Variants in ANGPTL7 observed in about 807,000 individuals in gnomAD.
The protein encoded by ANGPTL7 is angiopoietin like 7.
ANGPTL7 carries 37 observed loss-of-function variants against 38.8 expected under a neutral mutation model. The ratio of observed to expected loss-of-function variants is 0.95; its 90% CI spans 0.73 to 1.25. ANGPTL7 has a LOEUF of 1.25. Among genes scored for constraint, ANGPTL7 ranks in the 50% most tolerant of loss-of-function variants. ANGPTL7 has a pLI of 0.00. For synonymous variants in ANGPTL7, 166 were observed against 163.2 expected, an observed-to-expected ratio of 1.02 and a Z score of -0.13; for missense variants, 427 against 438.6, an observed-to-expected ratio of 0.97 and a Z score of 0.24.
At position 11,189,971 on chromosome 1, in the gene ANGPTL7, C is replaced by T. The variant is rs1040488726; in HGVS notation, c.376+16C>T. 1 of 1,590,748 alleles carries T rather than the reference C, an allele frequency of 6.3e-7. No individual in the cohort carries two copies. The highest frequency in any genetic ancestry group is 1.3e-5 in the African/African-American group (1 of 74,606). ...ACCTCCGCAGGTAAGGAGACCAGTC[C>T]CCTGAGGGAGCGTGGAGTGCCTCCC... is the stretch of plus-strand genomic sequence containing the variant. On this transcript the variant is annotated intron_variant, in intron 1 of 4. Coordinates refer to ENST00000376819, the MANE Select transcript of ANGPTL7 (RefSeq NM_021146.4).
rs774185284 is a variant in ANGPTL7 at position 11,194,678 on chromosome 1, G to A, written c.871+19G>A. 14 of 1,613,828 alleles carry A rather than the reference G, an allele frequency of 8.7e-6. No individual in the cohort carries two copies. The highest frequency in any genetic ancestry group is 1.6e-4 in the Middle Eastern group (1 of 6,084). On this transcript the variant is annotated intron_variant, in intron 4 of 4. Transcript: ENST00000376819. ...CGCAAAGGTGAGATTTGGGGGGACC[G>A]GAAAGGAGAAGTTCAGGTACAAGCT... is the stretch of plus-strand genomic sequence containing the variant.
rs760778918 is a variant in ANGPTL7 at position 11,189,613 on chromosome 1, C to T, written c.34C>T (p.Leu12Phe). ...AAAGCCTCTCTCAGCTGTGACCTGG[C>T]TCTGCATTTTCATCGTGGCCTTTGT... is the stretch of plus-strand genomic sequence containing the variant. ...LKKPLSAVTW[L>F]CIFIVAFVSH... The change falls in exon 1 of 5, where the codon CTC becomes TTC. Residue 12 changes from leucine (L) to phenylalanine (F), a missense_variant. Transcript: ENST00000376819. The T allele has an allele frequency of 3.1e-6, 5 of 1,613,440 alleles. No homozygotes were observed. The highest frequency in any genetic ancestry group is 2.2e-5 in the South Asian group (2 of 91,002).
At position 11,189,876 on chromosome 1, in the gene ANGPTL7, G is replaced by C; in HGVS notation, c.297G>C (p.Glu99Asp). 6.2e-7 allele frequency: 1 copy of C among 1,614,198 alleles called. No individual in the cohort carries two copies. The highest frequency in any genetic ancestry group is 8.5e-7 in the Non-Finnish European group (1 of 1,180,040). The change falls in exon 1 of 5, where the codon GAG becomes GAC. Residue 99 changes from glutamate to aspartate, a missense_variant. Physicochemically the swap from Glu to Asp is conservative, Grantham distance 45. Coordinates refer to ENST00000376819, the MANE Select transcript of ANGPTL7 (RefSeq NM_021146.4). ...KRMESRLTDA[E>D]SKYSEMNNQI... ...TGGAGTCGCGGCTCACAGATGCTGA[G>C]AGCAAGTACTCCGAGATGAACAACC...
rs1351593011 is a variant in ANGPTL7 at position 11,193,580 on chromosome 1, G to A, written c.478G>A (p.Val160Met). 6.3e-7 allele frequency: 1 copy of A among 1,582,154 alleles called. No individual in the cohort carries two copies. The highest frequency in any genetic ancestry group is 8.6e-7 in the Non-Finnish European group (1 of 1,163,896). ...DDFLGSPELEVFCDMETSGGG... is the reference protein window; with the variant it reads ...DDFLGSPELEMFCDMETSGGG... ...CACCAGAGTATCCCCTCTGCTTCAG[G>A]TGTTCTGTGACATGGAGACTTCAGG... The change falls in exon 3 of 5, where the codon GTG becomes ATG. Residue 160 changes from valine (V) to methionine (M), a missense_variant and splice_region_variant. Coordinates refer to ENST00000376819, the MANE Select transcript of ANGPTL7 (RefSeq NM_021146.4).
chr1:11,192,107 C>T (rs190203724), intron 1 of ANGPTL7, among the ~76,000 whole-genome samples, 163 bp from the exon 2 acceptor site: 2 of 152,272 alleles, frequency 1.3e-5, no homozygotes, highest in Admixed American at 6.5e-5. Context: ...AAAATACACC[C>T]CCTCTGGATC....
intron 2 of ANGPTL7, among the ~76,000 whole-genome samples, chr1:11,192,893 A>C (rs1397537370): frequency 1.3e-5 from 2 of 152,180 alleles, no homozygotes; most frequent in African/African-American, 2.4e-5. Context: ...TCAAACAACA[A>C]GCCTTCTAAC....
At chr1:11,190,271 C>G (rs1049676188) in intron 1 of ANGPTL7, among the ~76,000 whole-genome samples, 2 of 152,194 alleles carry the variant, frequency 1.3e-5, no homozygotes, top group African/African-American at 4.8e-5. Context: ...AGCTCTGCTA[C>G]TTCCTCACCA....
chr1:11,190,548 G>A (rs1571116370), intron 1 of ANGPTL7, among the ~76,000 whole-genome samples: 1 of 152,124 alleles, frequency 6.6e-6, no homozygotes, highest in Admixed American at 6.5e-5. Context: ...ATTGTGATAC[G>A]TCTATTTTTT....
chr1:11,189,920 T>C lies in ANGPTL7; in HGVS notation c.341T>C (p.Leu114Pro). Reference protein sequence around the residue: ...EMNNQIDIMQLQAAQTVTQTS... With the variant: ...EMNNQIDIMQPQAAQTVTQTS... ...AACAACCAAATTGACATCATGCAGC[T>C]GCAGGCAGCACAGACGGTCACTCAG... The change falls in exon 1 of 5, where the codon CTG becomes CCG. Residue 114 changes from leucine to proline, a missense_variant. Coordinates refer to ENST00000376819, the MANE Select transcript of ANGPTL7 (RefSeq NM_021146.4). 1.2e-6 allele frequency: 2 copies of C among 1,613,628 alleles called. No homozygotes were observed. The highest frequency in any genetic ancestry group is 1.7e-6 in the Non-Finnish European group (2 of 1,179,908).
Position 11,194,899 on chromosome 1 carries a change from T to G in ANGPTL7, c.917T>G (p.Val306Gly). The G allele has an allele frequency of 6.2e-7, 1 of 1,613,998 alleles. No homozygotes were observed. The highest frequency in any genetic ancestry group is 8.5e-7 in the Non-Finnish European group (1 of 1,179,986). Residue 306 changes from valine to glycine, a missense_variant, in exon 5 of 5, where the codon GTG becomes GGG. Physicochemically the swap from Val to Gly is moderately radical, Grantham distance 109 (BLOSUM62 -3). Transcript: ENST00000376819. ...NCCTDSNLNG[V>G]YYRLGEHNKH... is the part of the protein sequence containing the mutation. ...TGCACAGACTCCAACCTCAATGGAG[T>G]GTACTACCGCCTGGGTGAGCACAAT...
Position 11,193,615 on chromosome 1 carries a change from G to A in ANGPTL7, c.513G>A (p.Trp171Ter), listed in dbSNP as rs1645644440. The A allele has an allele frequency of 1.9e-6, 3 of 1,609,866 alleles. No individual in the cohort carries two copies. The highest frequency in any genetic ancestry group is 2.5e-6 in the Non-Finnish European group (3 of 1,177,678). Residue 171 changes from tryptophan (W) to a stop codon, truncating the protein, a stop_gained, in exon 3 of 5, where the codon TGG (tryptophan) becomes TGA (stop). Coordinates refer to ENST00000376819, the MANE Select transcript of ANGPTL7 (RefSeq NM_021146.4). LOFTEE classifies it high-confidence loss of function. ...ACATGGAGACTTCAGGCGGAGGCTG[G>A]ACCATCATCCAGAGACGAAAAAGTG... ...FCDMETSGGG[W>*]TIIQRRKSGL...
At chr1:11,192,639 T>A (rs1342302604) in intron 2 of ANGPTL7, among the ~76,000 whole-genome samples, 3 of 150,044 alleles carry the variant, frequency 2.0e-5, no homozygotes, top group Non-Finnish European at 4.4e-5. Context: ...GCACCTGTAA[T>A]CCCTGCTACA....
chr1:11,190,975 A>G (rs909749981), intron 1 of ANGPTL7, among the ~76,000 whole-genome samples: 1 of 152,218 alleles, frequency 6.6e-6, no homozygotes, highest in African/African-American at 2.4e-5. Context: ...TCACTTTCTA[A>G]GCATGGACTT....
At position 11,194,612 on chromosome 1, in the gene ANGPTL7, A is replaced by C; in HGVS notation, c.824A>C (p.Asp275Ala). The change falls in exon 4 of 5, where the codon GAC becomes GCC. Residue 275 changes from aspartate to alanine, a missense_variant. Coordinates refer to ENST00000376819, the MANE Select transcript of ANGPTL7 (RefSeq NM_021146.4). ...YHNNTAFSTK[D>A]KDNDNCLDKC... ...AACAACACAGCCTTCAGCACCAAGG[A>C]CAAGGACAATGACAACTGCTTGGAC... is the stretch of plus-strand genomic sequence containing the variant. The C allele has an allele frequency of 6.2e-7, 1 of 1,614,228 alleles. No homozygotes were observed. Among genetic ancestry groups the C allele is most frequent in the Non-Finnish European group, 8.5e-7 (1 of 1,180,038 alleles).
At chr1:11,193,836 C>T in intron 3 of ANGPTL7, 62 bp downstream of exon 3, 2 of 1,511,682 alleles carry the variant, frequency 1.3e-6, no homozygotes, top group East Asian at 2.3e-5. Context: ...CCGCGTACAA[C>T]TCCGGGGGTG....
chr1:11,192,464 A>G (rs1645579245), intron 2 of ANGPTL7, 94 bp downstream of exon 2: 1 of 1,160,558 alleles, frequency 8.6e-7, no homozygotes, highest in South Asian at 1.3e-5. Context: ...GTTTAAAGAA[A>G]GGAAAATTCG....
chr1:11,189,610 T>C lies in ANGPTL7; in HGVS notation c.31T>C (p.Trp11Arg), dbSNP rs1424362803. The C allele has an allele frequency of 6.2e-7, 1 of 1,613,338 alleles. No individual in the cohort carries two copies. MLKKPLSAVT[W>R]LCIFIVAFVS... ...GAAAAAGCCTCTCTCAGCTGTGACC[T>C]GGCTCTGCATTTTCATCGTGGCCTT... The change falls in exon 1 of 5, where the codon TGG (tryptophan) becomes CGG (arginine). Residue 11 changes from tryptophan (W) to arginine (R), a missense_variant. Physicochemically the swap from Trp to Arg is moderately radical, Grantham distance 101. Coordinates refer to ENST00000376819, the MANE Select transcript of ANGPTL7 (RefSeq NM_021146.4).
rs28918370 is a variant in ANGPTL7 at position 11,195,596 on chromosome 1, G to C, written c.*573G>C. The C allele has an allele frequency of 6.5e-6, 1 of 154,452 alleles. No homozygotes were observed. Among genetic ancestry groups the C allele is most frequent in the East Asian group, 1.9e-4 (1 of 5,184 alleles). 9.6% of individuals were successfully genotyped at this position (154,452 alleles called of 1,614,324 possible). A position where few individuals can be genotyped will look rare whatever the true frequency, so the allele number is the denominator to read the frequency against. On this transcript the variant is annotated 3_prime_UTR_variant, in exon 5 of 5. Coordinates refer to ENST00000376819, the MANE Select transcript of ANGPTL7 (RefSeq NM_021146.4). ...TGGAACTGACCCAGGCTGGACTTGCGGGGAGGAAACTCCAGGGCACTGCAT... is the reference window on the plus strand; with the variant it reads ...TGGAACTGACCCAGGCTGGACTTGCCGGGAGGAAACTCCAGGGCACTGCAT...
rs1645749575 is a variant in ANGPTL7 at position 11,195,428 on chromosome 1, T to A, written c.*405T>A. The A allele has an allele frequency of 6.1e-6, 1 of 162,660 alleles. No homozygotes were observed. The highest frequency in any genetic ancestry group is 2.4e-5 in the African/African-American group (1 of 41,568). 10.1% of individuals were successfully genotyped at this position (162,660 alleles called of 1,614,324 possible). On this transcript the variant is annotated 3_prime_UTR_variant, in exon 5 of 5. Coordinates refer to ENST00000376819, the MANE Select transcript of ANGPTL7 (RefSeq NM_021146.4). ...AATCCCTTTGCTAAAAAGAACCATA[T>A]TATTTTGATTCTCAAAGGATAGGCC...
Sources: allele counts gnomAD v4.1 joint callset (sites outside exome capture counted in the v4.1 genomes callset), GRCh38; gene constraint gnomAD v4.1.1; transcripts MANE v1.5; gene names NCBI Gene and HGNC (gene_info 2026-07-23, HGNC 2026-07-21).